Variants in ATRNL1 observed in about 807,000 individuals in gnomAD.
The protein encoded by ATRNL1 is attractin-like protein 1.
Under a neutral mutation model 182.7 loss-of-function variants are expected in ATRNL1, and 95 were observed. That is an observed-to-expected ratio of 0.52 (90% CI 0.44 to 0.62). ATRNL1 has a LOEUF of 0.62. ATRNL1 is among the 20% of genes least tolerant of loss of function. The probability of loss-of-function intolerance (pLI) is 0.00; values close to 1 mark genes in which losing one functional copy is unlikely to be tolerated. For missense variants in ATRNL1, 1,471 were observed against 1,679.5 expected (o/e 0.88, Z 2.17); for synonymous variants, 576 against 568.3 (o/e 1.01, Z -0.19).
At chr10:115,557,060 A>T (rs1293743894) in intron 26 of ATRNL1, among the ~76,000 whole-genome samples, 1 of 152,090 alleles carries the variant, frequency 6.6e-6, no homozygotes, top group Non-Finnish European at 1.5e-5. Flanking sequence ...ACTCTGACAG[A>T]GCTGGGAAAC....
chr10:115,363,556 C>T (rs1856861884), intron 19 of ATRNL1, among the ~76,000 whole-genome samples: 1 of 147,842 alleles, frequency 6.8e-6, no homozygotes. Flanking sequence ...TCTTTTGTTG[C>T]CATTGCTTTT....
At chr10:115,313,156 C>A (rs1854119754) in intron 17 of ATRNL1, among the ~76,000 whole-genome samples, 1 of 145,750 alleles carries the variant, frequency 6.9e-6, no homozygotes, top group Non-Finnish European at 1.5e-5. Context: ...TGGTTTGGAT[C>A]TATTGCTGAA....
Position 115,519,167 on chromosome 10 carries a change from G to A in ATRNL1, c.3655-96G>A, listed in dbSNP as rs558125994. 24 of 1,018,778 alleles carry A rather than the reference G, an allele frequency of 2.4e-5. No homozygotes were observed. The African/African-American group carries it at 3.4e-4, about 14-fold the overall frequency. 63.1% of individuals were successfully genotyped at this position (1,018,778 alleles called of 1,614,324 possible). On this transcript the variant is annotated intron_variant, in intron 24 of 28. Transcript: ENST00000355044. ...ATAATATCATGATCCAAATGTCTTGGTGATTTAGAAAAACTGTATTTACAA... is the reference window on the plus strand; with the variant it reads ...ATAATATCATGATCCAAATGTCTTGATGATTTAGAAAAACTGTATTTACAA...
At chr10:115,630,321 T>A (rs1858401194) in intron 26 of ATRNL1, among the ~76,000 whole-genome samples, 1 of 152,058 alleles carries the variant, frequency 6.6e-6, no homozygotes, top group Non-Finnish European at 1.5e-5. Context: ...GATATTATCT[T>A]ACATCTGATA....
chr10:115,485,222 C>A (rs1554974910), intron 24 of ATRNL1, among the ~76,000 whole-genome samples: 2 of 151,894 alleles, frequency 1.3e-5, no homozygotes, highest in African/African-American at 4.8e-5. Flanking sequence ...ACTACCTGGT[C>A]TTTGAAACCA....
In ATRNL1 at chr10:115,945,990, T is replaced by C. The variant is rs2134636813; in HGVS notation, c.*1211T>C. 6.6e-6 allele frequency: 1 copy of C among 152,326 alleles called. No homozygotes were observed. The highest frequency in any genetic ancestry group is 2.1e-4 in the South Asian group (1 of 4,832). The allele number at this position is 152,326 out of a possible 1,614,324, so 9.4% of individuals were successfully genotyped here. On this transcript the variant is annotated 3_prime_UTR_variant, in exon 29 of 29. Coordinates refer to ENST00000355044, the MANE Select transcript of ATRNL1 (RefSeq NM_207303.4). The stretch of plus-strand genomic sequence containing the variant: ...GGCAGAAAGGAAAAATAAAACATAC[T>C]TCACATTAGAACACAGAATCATTTA...
At chr10:115,276,757 C>A (rs563990333) in intron 13 of ATRNL1, among the ~76,000 whole-genome samples, 1 of 152,074 alleles carries the variant, frequency 6.6e-6, no homozygotes, top group South Asian at 2.1e-4. Flanking sequence ...TATTCATAAG[C>A]GTGTCTGGTT....
At chr10:115,233,743 G>A (rs1245788374) in intron 9 of ATRNL1, among the ~76,000 whole-genome samples, 1 of 151,908 alleles carries the variant, frequency 6.6e-6, no homozygotes, top group South Asian at 2.1e-4. Context: ...TTTGCCAAAG[G>A]CTGTTTTAGG....
At chr10:115,170,711 C>T (rs563997480) in intron 7 of ATRNL1, among the ~76,000 whole-genome samples, 1 of 152,156 alleles carries the variant, frequency 6.6e-6, no homozygotes, top group African/African-American at 2.4e-5. Context: ...TAGCTTATTG[C>T]ATTTTCCATT....
At chr10:115,409,401 A>G (rs1554959278) in intron 20 of ATRNL1, among the ~76,000 whole-genome samples, 1 of 151,996 alleles carries the variant, frequency 6.6e-6, no homozygotes, top group African/African-American at 2.4e-5. Context: ...TGATTTTTTA[A>G]TGTTGATTTT....
At chr10:115,875,963 A>T (rs1552068) in intron 28 of ATRNL1, among the ~76,000 whole-genome samples, 142,299 of 152,206 alleles carry the variant, frequency 0.93, 67,190 homozygotes, top group East Asian at 1. Flanking sequence ...GACTAAAAGG[A>T]TGAGTGTCAA....
intron 26 of ATRNL1, among the ~76,000 whole-genome samples, chr10:115,596,393 A>G (rs1555013966): frequency 6.6e-6 from 1 of 152,238 alleles, no homozygotes; most frequent in African/African-American, 2.4e-5. Flanking sequence ...GGCATGAGCC[A>G]CCACGCCCGG....
At chr10:115,753,747 C>T (rs942554679) in intron 27 of ATRNL1, among the ~76,000 whole-genome samples, 3 of 152,188 alleles carry the variant, frequency 2.0e-5, no homozygotes, top group African/African-American at 7.2e-5. Flanking sequence ...TGAGGAATCA[C>T]CACACTGTCT....
intron 10 of ATRNL1, among the ~76,000 whole-genome samples, chr10:115,248,761 G>A (rs1358712539): frequency 6.6e-6 from 1 of 152,066 alleles, no homozygotes; most frequent in Non-Finnish European, 1.5e-5. Flanking sequence ...AAGTTTTGAA[G>A]TAGGGAGCCA....
chr10:115,581,883 A>G (rs1157036100), intron 26 of ATRNL1, among the ~76,000 whole-genome samples: 1 of 132,162 alleles, frequency 7.6e-6, no homozygotes, highest in African/African-American at 2.8e-5. Flanking sequence ...TCCCATTGCT[A>G]TCCCTCCCCC....
intron 24 of ATRNL1, among the ~76,000 whole-genome samples, chr10:115,491,549 G>C (rs1174416086): frequency 6.6e-6 from 1 of 152,118 alleles, no homozygotes; most frequent in Non-Finnish European, 1.5e-5. Context: ...TACACTGTGA[G>C]GGCAAAATCA....
chr10:115,677,635 C>T (rs780626357), intron 26 of ATRNL1, among the ~76,000 whole-genome samples: 73 of 152,146 alleles, frequency 4.8e-4, no homozygotes, highest in African/African-American at 1.5e-3. Flanking sequence ...TTTTGCCTCC[C>T]GCCATGATTC....
intron 26 of ATRNL1, among the ~76,000 whole-genome samples, chr10:115,597,322 T>C (rs1470002510): frequency 3.3e-5 from 5 of 152,092 alleles, no homozygotes; most frequent in African/African-American, 1.2e-4. Context: ...CACAAAATTA[T>C]TGTTTTATGA....
intron 28 of ATRNL1, among the ~76,000 whole-genome samples, chr10:115,891,012 G>A (rs1265259609): frequency 1.3e-5 from 2 of 152,152 alleles, no homozygotes; most frequent in Admixed American, 6.5e-5. Context: ...CTGTAAGGGT[G>A]CAAATCAAGG....
Sources: gnomAD v4.1 joint callset for allele counts (sites outside exome capture counted in the v4.1 genomes callset) on GRCh38, gnomAD v4.1.1 for gene constraint, MANE v1.5 for transcripts, NCBI Gene and HGNC (gene_info 2026-07-23, HGNC 2026-07-21) for gene names.